The following ATP5PO variants were observed in gnomAD, a reference collection of about 807,000 sequenced individuals.
ATP5PO encodes ATP synthase peripheral stalk subunit OSCP, also known as ATP synthase peripheral stalk subunit OSCP, mitochondrial.
Under a neutral mutation model 26.2 loss-of-function variants are expected in ATP5PO, and 14 were observed. The ratio of observed to expected loss-of-function variants is 0.53; its 90% confidence interval spans 0.35 to 0.83. ATP5PO has a LOEUF of 0.83. Ranked by LOEUF, ATP5PO falls within the 40% of genes least tolerant of loss-of-function variation. The probability of loss-of-function intolerance (pLI) is 0.01; values close to 1 mark genes in which losing one functional copy is unlikely to be tolerated. For synonymous variants in ATP5PO, 106 were observed against 95.1 expected (o/e 1.12, Z -0.67); for missense variants, 241 against 258.5 (o/e 0.93, Z 0.46).
chr21:33,908,187 AAAAG>A (rs1448821882), intron 4 of ATP5PO, among the ~76,000 whole-genome samples: 1 of 150,812 alleles, frequency 6.6e-6, no homozygotes, highest in Non-Finnish European at 1.5e-5. Context: ...AAAAAAAAAA[AAAAG>A]AATGGAGAAG....
At chr21:33,913,080 A>T (rs1987269959) in intron 2 of ATP5PO, among the ~76,000 whole-genome samples, 1 of 152,198 alleles carries the variant, frequency 6.6e-6, no homozygotes, top group African/African-American at 2.4e-5. Flanking sequence ...CAGCTCTAGG[A>T]CTAAGCTGAG....
intron 4 of ATP5PO, 185 bp downstream of exon 4, chr21:33,908,897 A>C (rs1276234097): frequency 1.7e-6 from 1 of 587,340 alleles, no homozygotes; most frequent in Non-Finnish European, 2.8e-6. Context: ...TCACACTTCA[A>C]TGTGCAAACG....
intron 2 of ATP5PO, 112 bp downstream of exon 2, chr21:33,914,338 A>G: frequency 9.6e-7 from 1 of 1,040,152 alleles, no homozygotes; most frequent in Non-Finnish European, 1.4e-6. Flanking sequence ...ACCACAAGTC[A>G]CGCAAAAAGG....
chr21:33,914,570 AACAAAAAAT>A lies in ATP5PO; in HGVS notation c.37-79_37-71del. The A allele has an allele frequency of 1.5e-5, 22 of 1,447,880 alleles. No homozygotes were observed. In the South Asian group the frequency reaches 2.7e-4, roughly 17 times the overall value. The allele number at this position is 1,447,880 out of a possible 1,614,324, so 89.7% of individuals were successfully genotyped here. A position where few individuals can be genotyped will look rare whatever the true frequency, so the allele number is the denominator to read the frequency against. On this transcript the variant is annotated intron_variant, in intron 1 of 6. Transcript: ENST00000290299. The stretch of plus-strand genomic sequence containing the variant: ...GGATTTCTGCATTTAACTCAATAAC[AACAAAAAAT>A]TTTAAATAACCTTAAAATCATTACT...
At chr21:33,912,886 C>T (rs1482530877) in intron 2 of ATP5PO, among the ~76,000 whole-genome samples, 2 of 152,212 alleles carry the variant, frequency 1.3e-5, no homozygotes, top group Non-Finnish European at 2.9e-5. Context: ...CATAGCCTCC[C>T]TATCGATGTT....
At chr21:33,904,777 G>A (rs1308888756) in intron 5 of ATP5PO, among the ~76,000 whole-genome samples, 2 of 152,168 alleles carry the variant, frequency 1.3e-5, no homozygotes, top group African/African-American at 2.4e-5. Flanking sequence ...GTCTCGCTCT[G>A]TCACCCAGGC....
At chr21:33,913,427 C>T (rs1987274177) in intron 2 of ATP5PO, among the ~76,000 whole-genome samples, 1 of 152,154 alleles carries the variant, frequency 6.6e-6, no homozygotes, top group Non-Finnish European at 1.5e-5. Context: ...AGTTCCTGCT[C>T]CTTGACAGTT....
intron 3 of ATP5PO, among the ~76,000 whole-genome samples, chr21:33,909,473 C>G (rs1276928785): frequency 1.3e-5 from 2 of 152,118 alleles, no homozygotes; most frequent in Non-Finnish European, 2.9e-5. Flanking sequence ...GCCATGTTGA[C>G]CAGGCTGGTC....
chr21:33,909,722 A>C (rs1163267907), intron 3 of ATP5PO, among the ~76,000 whole-genome samples: 1 of 152,250 alleles, frequency 6.6e-6, no homozygotes, highest in East Asian at 1.9e-4. Flanking sequence ...TGTTCCTCAA[A>C]AAAATTTAAA....
At chr21:33,907,568 C>T (rs1033135193) in intron 4 of ATP5PO, 115 bp from the exon 5 acceptor site, 4 of 811,228 alleles carry the variant, frequency 4.9e-6, no homozygotes, top group African/African-American at 1.7e-5. Context: ...ACACCATATA[C>T]AGGGGCGCAT....
At chr21:33,904,902 GGC>G in intron 5 of ATP5PO, among the ~76,000 whole-genome samples, 1 of 152,118 alleles carries the variant, frequency 6.6e-6, no homozygotes, top group East Asian at 1.9e-4. Context: ...CATCACACCC[GGC>G]TAATTTTTGT....
intron 4 of ATP5PO, among the ~76,000 whole-genome samples, chr21:33,907,797 G>A (rs909667094): frequency 6.6e-6 from 1 of 152,184 alleles, no homozygotes; most frequent in East Asian, 1.9e-4. Flanking sequence ...CTGCACCCCA[G>A]CCTGGGCGAC....
intron 4 of ATP5PO, among the ~76,000 whole-genome samples, chr21:33,908,512 A>G (rs1164668219): frequency 6.6e-6 from 1 of 152,216 alleles, no homozygotes; most frequent in African/African-American, 2.4e-5. Flanking sequence ...GTTCAAGACC[A>G]GGCTGGGCAA....
intron 3 of ATP5PO, among the ~76,000 whole-genome samples, chr21:33,909,575 C>T (rs1393089944): frequency 2.6e-5 from 4 of 152,286 alleles, no homozygotes; most frequent in African/African-American, 9.6e-5. Context: ...CATACAAACA[C>T]TTTCTTATGA....
At chr21:33,904,803 A>T (rs1016965546) in intron 5 of ATP5PO, among the ~76,000 whole-genome samples, 25 of 152,290 alleles carry the variant, frequency 1.6e-4, no homozygotes, top group Admixed American at 1.3e-3. Context: ...TAGAGTGGCG[A>T]GATCTCGGCT....
chr21:33,903,844 A>C (rs1034709030), intron 6 of ATP5PO, 91 bp downstream of exon 6: 13 of 1,216,030 alleles, frequency 1.1e-5, no homozygotes, highest in Non-Finnish European at 1.4e-5. Flanking sequence ...ATTAGTATAG[A>C]GTTAGATCTA....
rs138939112 is a variant in ATP5PO, at chr21:33,907,373, C to T, written c.409G>A (p.Gly137Arg). The T allele has an allele frequency of 4.3e-5, 69 of 1,613,994 alleles. No homozygotes were observed. Among genetic ancestry groups the T allele is most frequent in the South Asian group, 1.1e-4 (10 of 91,082 alleles). Residue 137 changes from glycine to arginine, a missense_variant, in exon 5 of 7, where the codon GGA becomes AGA. Transcript: ENST00000290299. ...AFSTMMSVHR[G>R]EVPCTVTSAS... ...GAGGTCACTGTGCAAGGTACCTCTC[C>T]GCGATGGACACTCATCATGGTAGAA...
chr21:33,914,280 C>G (rs1368079918), intron 2 of ATP5PO, among the ~76,000 whole-genome samples, 170 bp downstream of exon 2: 1 of 152,142 alleles, frequency 6.6e-6, no homozygotes. Flanking sequence ...AAAGCAAATA[C>G]TCAACACCAT....
In ATP5PO at chr21:33,915,744, G is replaced by A. The variant is rs781740423; in HGVS notation, c.20C>T (p.Ser7Phe). 3 of 1,577,134 alleles carry A rather than the reference G, an allele frequency of 1.9e-6. No individual in the cohort carries two copies. The highest frequency in any genetic ancestry group is 1.8e-5 in the Admixed American group (1 of 55,358). The change falls in exon 1 of 7, where the codon TCC becomes TTC. Residue 7 changes from serine (S) to phenylalanine (F), a missense_variant. Around this residue, in one of 3 missense-constraint regions of ATP5PO, gnomAD observed 125 missense variants for 108.5 expected, o/e 1.15. Coordinates refer to ENST00000290299, the MANE Select transcript of ATP5PO (RefSeq NM_001697.3). ...TTCTCTCACCTGCCGGGAGAGCCCG[G>A]ACACTGCTGGGGCAGCCATCTTCTC... MAAPAV[S>F]GLSRQVRCFS...
Sources: allele counts gnomAD v4.1 joint callset (sites outside exome capture counted in the v4.1 genomes callset), GRCh38; gene constraint gnomAD v4.1.1; regional missense constraint gnomAD v4.1.1; transcripts MANE v1.5; gene names NCBI Gene and HGNC (gene_info 2026-07-23, HGNC 2026-07-21).